Variants in TENM3 observed in about 807,000 individuals in gnomAD.
TENM3 encodes the protein teneurin-3.
In TENM3, 63 loss-of-function variants were observed where a neutral mutation model predicts 255.1. The ratio of observed to expected loss-of-function variants is 0.25; its 90% CI spans 0.20 to 0.30. The LOEUF is 0.30. Ranked by LOEUF, TENM3 falls within the 10% of genes least tolerant of loss-of-function variation. The probability of loss-of-function intolerance (pLI) is 1.00; values close to 1 mark genes in which losing one functional copy is unlikely to be tolerated. For missense variants in TENM3, 2,929 were observed against 3,461.1 expected, an observed-to-expected ratio of 0.85 and a Z score of 3.86; for synonymous variants, 1,306 against 1,322.3, an observed-to-expected ratio of 0.99 and a Z score of 0.27.
intron 3 of TENM3, among the ~76,000 whole-genome samples, chr4:182,456,753 A>G (rs1344897210): frequency 6.6e-6 from 1 of 152,200 alleles, no homozygotes; most frequent in Non-Finnish European, 1.5e-5. Flanking sequence ...TTACCAGAAG[A>G]TTAATAGGTG....
the TENM3 span, among the ~76,000 whole-genome samples, chr4:181,710,292 C>G: frequency 6.6e-6 from 1 of 152,036 alleles, no homozygotes; most frequent in Non-Finnish European, 1.5e-5. Context: ...AAGCGTTTTC[C>G]AGGAAGTCAG....
At chr4:182,535,882 A>G (rs1234779690) in intron 3 of TENM3, among the ~76,000 whole-genome samples, 1 of 152,070 alleles carries the variant, frequency 6.6e-6, no homozygotes, top group Non-Finnish European at 1.5e-5. Context: ...ATATGTTAAC[A>G]TATGTGAAAT....
chr4:182,363,526 G>A (rs1766186134), intron 3 of TENM3, among the ~76,000 whole-genome samples: 1 of 151,632 alleles, frequency 6.6e-6, no homozygotes, highest in Admixed American at 6.6e-5. Context: ...CACTAGCAAT[G>A]TTCTTTTGCT....
At chr4:182,595,277 G>A (rs1278359946) in intron 3 of TENM3, among the ~76,000 whole-genome samples, 1 of 151,954 alleles carries the variant, frequency 6.6e-6, no homozygotes. Context: ...TCCATGAATA[G>A]GCCTTACATT....
At chr4:182,481,852 A>T (rs560921833) in intron 3 of TENM3, among the ~76,000 whole-genome samples, 20 of 152,334 alleles carry the variant, frequency 1.3e-4, no homozygotes, top group African/African-American at 4.6e-4. Flanking sequence ...ATTTACTTCT[A>T]ACAATAACTT....
At position 182,535,012 on chromosome 4, in the gene TENM3, A is replaced by G. The variant is rs200751932; in HGVS notation, c.512-65912A>G. On this transcript the variant is annotated intron_variant, in intron 3 of 27. Coordinates refer to ENST00000511685, the MANE Select transcript of TENM3 (RefSeq NM_001080477.4). ...TTATAACATACTTTCTTGGATGATT[A>G]AGAGTCAGGATTGCTGTGGTACTGA... Among the ~76,000 whole-genome samples the G allele has an allele frequency of 2.0e-5, 3 of 152,338 alleles. No individual in the cohort carries two copies. In the East Asian group the frequency reaches 5.8e-4, roughly 29 times the overall value.
At chr4:182,432,144 A>C (rs1771705093) in intron 3 of TENM3, among the ~76,000 whole-genome samples, 1 of 152,106 alleles carries the variant, frequency 6.6e-6, no homozygotes, top group African/African-American at 2.4e-5. Flanking sequence ...ACAAGAGAGA[A>C]AGAGATTAAT....
chr4:182,406,180 C>A (rs1209229065), intron 3 of TENM3, among the ~76,000 whole-genome samples: 1 of 152,056 alleles, frequency 6.6e-6, no homozygotes, highest in African/African-American at 2.4e-5. Flanking sequence ...TGGTGGGTGC[C>A]TGTAGTCCCA....
intron 1 of TENM3, among the ~76,000 whole-genome samples, chr4:182,255,207 A>T (rs905366248): frequency 1.2e-4 from 18 of 152,232 alleles, no homozygotes; most frequent in Non-Finnish European, 2.4e-4. Flanking sequence ...TGTTAGACAG[A>T]TCTGTATCTC....
the TENM3 span, among the ~76,000 whole-genome samples, chr4:181,455,427 T>C: frequency 6.6e-6 from 1 of 152,126 alleles, no homozygotes; most frequent in Admixed American, 6.6e-5. Context: ...AAAGAAAAGA[T>C]GTTTGAGTAA....
chr4:181,458,511 C>A, the TENM3 span, among the ~76,000 whole-genome samples: 13 of 151,818 alleles, frequency 8.6e-5, no homozygotes, highest in Non-Finnish European at 5.9e-5. Context: ...GAGATGCGTG[C>A]GTAGTAGCTA....
chr4:182,593,357 G>A (rs1055656425), intron 3 of TENM3, among the ~76,000 whole-genome samples: 1 of 152,160 alleles, frequency 6.6e-6, no homozygotes, highest in African/African-American at 2.4e-5. Context: ...CTGTCTGTCT[G>A]TCTGTCTCCC....
the TENM3 span, among the ~76,000 whole-genome samples, chr4:181,489,926 A>C: frequency 1.3e-5 from 2 of 152,190 alleles, no homozygotes; most frequent in Non-Finnish European, 2.9e-5. Context: ...AGGTTAAATA[A>C]AATTCATTTT....
chr4:182,442,749 AC>A (rs1772588221), intron 3 of TENM3, among the ~76,000 whole-genome samples: 2 of 149,334 alleles, frequency 1.3e-5, no homozygotes, highest in Admixed American at 1.3e-4. Flanking sequence ...ATGCCAGCAC[AC>A]TCGACTAATT....
the TENM3 span, among the ~76,000 whole-genome samples, chr4:181,818,620 T>C: frequency 4.6e-5 from 7 of 152,028 alleles, no homozygotes; most frequent in Non-Finnish European, 7.4e-5. Flanking sequence ...TCTTTTTTTT[T>C]TTTTTTGATT....
In TENM3 at chr4:182,793,964, T is replaced by C; in HGVS notation, c.7213+79T>C. On this transcript the variant is annotated intron_variant, in intron 26 of 27. Coordinates refer to ENST00000511685, the MANE Select transcript of TENM3 (RefSeq NM_001080477.4). The surrounding 1 kb of genome is among the most constrained non-coding windows in gnomAD (Gnocchi z 5.7). ...TACACAAAATAACTGGAAATGCTTT[T>C]TTAAAAAACTTTATACTTTACTCAG... The C allele has an allele frequency of 7.7e-7, 1 of 1,302,086 alleles. No individual in the cohort carries two copies. The highest frequency in any genetic ancestry group is 1.0e-6 in the Non-Finnish European group (1 of 961,574). 80.7% of individuals were successfully genotyped at this position (1,302,086 alleles called of 1,614,324 possible).
At chr4:181,949,211 G>A in the TENM3 span, among the ~76,000 whole-genome samples, 3 of 152,180 alleles carry the variant, frequency 2.0e-5, no homozygotes, top group South Asian at 6.2e-4. Flanking sequence ...ATGGGTAACC[G>A]TTCATGAGCA....
the TENM3 span, among the ~76,000 whole-genome samples, chr4:181,772,455 G>A: frequency 6.6e-6 from 1 of 152,070 alleles, no homozygotes; most frequent in Non-Finnish European, 1.5e-5. Context: ...GAAAAATTAA[G>A]TGATAGCACT....
the TENM3 span, among the ~76,000 whole-genome samples, chr4:181,643,443 C>A: frequency 2.0e-5 from 3 of 152,268 alleles, no homozygotes; most frequent in East Asian, 3.9e-4. Flanking sequence ...CAAACAGAGA[C>A]AATTTGACTT....
Sources: gnomAD v4.1 joint callset for allele counts (sites outside exome capture counted in the v4.1 genomes callset) on GRCh38, gnomAD v4.1.1 for gene constraint, Gnocchi (gnomAD v3.1) non-coding constraint, MANE v1.5 for transcripts, NCBI Gene and HGNC (gene_info 2026-07-23, HGNC 2026-07-21) for gene names.